Variants in KIRREL3 observed in about 807,000 individuals in gnomAD.
KIRREL3 encodes kin of IRRE-like protein 3.
In KIRREL3, 36 loss-of-function variants were observed where a neutral mutation model predicts 89.7. The observed-to-expected ratio is 0.40, with a 90% CI of 0.31 to 0.53. The LOEUF (loss-of-function observed/expected upper bound fraction) is 0.53. KIRREL3 is among the 20% of genes least tolerant of loss of function. The pLI is 0.49. For synonymous variants in KIRREL3, 445 were observed against 441.4 expected, an observed-to-expected ratio of 1.01 and a Z score of -0.10; for missense variants, 864 against 1,056.6, an observed-to-expected ratio of 0.82 and a Z score of 2.53.
At chr11:127,002,219 G>T (rs1415018315), upstream of KIRREL3, among the ~76,000 whole-genome samples, 1 of 152,216 alleles carries the variant, frequency 6.6e-6, no homozygotes, top group Non-Finnish European at 1.5e-5. Flanking sequence ...TGACACCAAA[G>T]ATCTACAAAT....
chr11:126,428,852 G>A lies in KIRREL3; in HGVS notation c.1806+327C>T, dbSNP rs1955029740. Among the ~76,000 whole-genome samples the A allele has an allele frequency of 1.3e-5, 2 of 152,148 alleles. No individual in the cohort carries two copies. The highest frequency in any genetic ancestry group is 4.1e-4 in the South Asian group (2 of 4,824). ...AGTAGAGATGTAGTTTCACCATGTTGGCCAGGCTGGTCTCGAACTCCTAAT... is the reference window on the plus strand; with the variant it reads ...AGTAGAGATGTAGTTTCACCATGTTAGCCAGGCTGGTCTCGAACTCCTAAT... On this transcript the variant is annotated intron_variant, in intron 15 of 16. Coordinates refer to ENST00000525144, the MANE Select transcript of KIRREL3 (RefSeq NM_032531.4). This position sits in a 1 kb window ranked among gnomAD's most constrained non-coding sequence, Gnocchi z 6.4.
chr11:126,986,277 A>G (rs969205063), intron 1 of KIRREL3, among the ~76,000 whole-genome samples: 22 of 152,220 alleles, frequency 1.4e-4, no homozygotes, highest in South Asian at 2.1e-4. Flanking sequence ...GAATTGAAAA[A>G]TAAAATGACA....
rs116063511 is a variant in KIRREL3 at position 126,905,233 on chromosome 11, G to A, written c.55+95222C>T. 0.022 allele frequency among the ~76,000 whole-genome samples: 3,314 copies of A among 152,220 alleles called. 130 individuals carry two copies. Among genetic ancestry groups the A allele is most frequent in the African/African-American group, 0.075 (3,104 of 41,510 alleles). The stretch of plus-strand genomic sequence containing the variant: ...TACTTCCAATAAGTCACCTTCCATG[G>A]CAAGGGGAGGGTGGGTGATATTTTT... On this transcript the variant is annotated intron_variant, in intron 1 of 16. Coordinates refer to ENST00000525144, the MANE Select transcript of KIRREL3 (RefSeq NM_032531.4). The surrounding 1 kb of genome is among the most constrained non-coding windows in gnomAD (Gnocchi z 5.0).
chr11:126,495,032 C>G lies in KIRREL3; in HGVS notation c.434-21566G>C, dbSNP rs1957619237. Among the ~76,000 whole-genome samples, 1 of 152,302 alleles carries G rather than the reference C, an allele frequency of 6.6e-6. No homozygotes were observed. The highest frequency in any genetic ancestry group is 2.4e-5 in the African/African-American group (1 of 41,562). On this transcript the variant is annotated intron_variant, in intron 4 of 16. Transcript: ENST00000525144. This position sits in a 1 kb window ranked among gnomAD's most constrained non-coding sequence, Gnocchi z 6.5. Reference sequence around the variant, plus strand: ...GGAGTGAGAGGTTCAACCAGGGTGGCTAGGCTGTGCACTGGCCAATTCCAG... The same window carrying G: ...GGAGTGAGAGGTTCAACCAGGGTGGGTAGGCTGTGCACTGGCCAATTCCAG...
At chr11:126,882,094 A>T (rs926837698) in intron 1 of KIRREL3, among the ~76,000 whole-genome samples, 1 of 152,134 alleles carries the variant, frequency 6.6e-6, no homozygotes, top group Non-Finnish European at 1.5e-5. Context: ...ACTCTGGAAC[A>T]TCTAGGAAAT....
rs1478398029 is a variant in KIRREL3 at position 126,605,517 on chromosome 11, C to A, written c.56-42605G>T. ...GAGACTCAGGATGCCAGGAGGGAGG[C>A]ACAGCCCACACTTAGCAGCTTGGCG... On this transcript the variant is annotated intron_variant, in intron 1 of 16. Coordinates refer to ENST00000525144, the MANE Select transcript of KIRREL3 (RefSeq NM_032531.4). The surrounding 1 kb of genome is among the most constrained non-coding windows in gnomAD (Gnocchi z 5.7). Among the ~76,000 whole-genome samples the A allele has an allele frequency of 6.6e-6, 1 of 152,224 alleles. No homozygotes were observed. Among genetic ancestry groups the A allele is most frequent in the Non-Finnish European group, 1.5e-5 (1 of 68,042 alleles).
intron 1 of KIRREL3, among the ~76,000 whole-genome samples, chr11:126,737,294 C>T (rs1033295856): frequency 6.6e-6 from 1 of 152,004 alleles, no homozygotes; most frequent in Non-Finnish European, 1.5e-5. Context: ...GATGCACCTT[C>T]AGGGCAGAGA....
intron 1 of KIRREL3, among the ~76,000 whole-genome samples, chr11:126,585,975 A>G (rs1941830802): frequency 6.6e-6 from 1 of 152,236 alleles, no homozygotes; most frequent in African/African-American, 2.4e-5. Flanking sequence ...GCAGGATTCC[A>G]GCCTGAGTAA....
At chr11:126,478,232 C>A (rs1168198115) in intron 4 of KIRREL3, among the ~76,000 whole-genome samples, 2 of 152,218 alleles carry the variant, frequency 1.3e-5, no homozygotes, top group Non-Finnish European at 2.9e-5. Context: ...AATGAAGGTG[C>A]AGCTTCAAGA....
rs551063466 is a variant in KIRREL3, at chr11:126,521,096, G to A, written c.433+219C>T. Among the ~76,000 whole-genome samples, 5 of 152,354 alleles carry A rather than the reference G, an allele frequency of 3.3e-5. No homozygotes were observed. Among genetic ancestry groups the A allele is most frequent in the South Asian group, 2.1e-4 (1 of 4,826 alleles). On this transcript the variant is annotated intron_variant, in intron 4 of 16. Coordinates refer to ENST00000525144, the MANE Select transcript of KIRREL3 (RefSeq NM_032531.4). The surrounding 1 kb of genome is among the most constrained non-coding windows in gnomAD (Gnocchi z 4.1). Reference sequence around the variant, plus strand: ...AACACGCCGGGGTTGGACTGAGTCCGCTGGCATTGGCTGTCTGGTTTACTA... The same window carrying A: ...AACACGCCGGGGTTGGACTGAGTCCACTGGCATTGGCTGTCTGGTTTACTA...
intron 1 of KIRREL3, among the ~76,000 whole-genome samples, chr11:126,756,088 C>T (rs954129086): frequency 6.6e-6 from 1 of 152,024 alleles, no homozygotes; most frequent in Non-Finnish European, 1.5e-5. Context: ...TTTTAATCAC[C>T]GATTATGTAT....
At chr11:126,914,178 G>A (rs1946942702) in intron 1 of KIRREL3, among the ~76,000 whole-genome samples, 1 of 152,200 alleles carries the variant, frequency 6.6e-6, no homozygotes, top group African/African-American at 2.4e-5. Flanking sequence ...TAGGTGCTAT[G>A]CCTGTGGCCA....
intron 1 of KIRREL3, among the ~76,000 whole-genome samples, chr11:126,721,527 C>A (rs1948169290): frequency 2.2e-5 from 1 of 45,690 alleles, no homozygotes; most frequent in Non-Finnish European, 4.7e-5. Flanking sequence ...AAAACTCCGT[C>A]TCAAAAAAAA....
chr11:126,564,252 C>G lies in KIRREL3; in HGVS notation c.56-1340G>C, dbSNP rs537175821. ...CAGTGTCTAGGCTCAAGAGGATAGA[C>G]GGAGCGGGTCATTCCTCTTTCTCCT... is the stretch of plus-strand genomic sequence containing the variant. On this transcript the variant is annotated intron_variant, in intron 1 of 16. Coordinates refer to ENST00000525144, the MANE Select transcript of KIRREL3 (RefSeq NM_032531.4). This position sits in a 1 kb window ranked among gnomAD's most constrained non-coding sequence, Gnocchi z 7.4. 1.3e-5 allele frequency among the ~76,000 whole-genome samples: 2 copies of G among 152,180 alleles called. No homozygotes were observed. The highest frequency in any genetic ancestry group is 4.8e-5 in the African/African-American group (2 of 41,442).
At chr11:126,583,676 GAA>G (rs1378000940) in intron 1 of KIRREL3, among the ~76,000 whole-genome samples, 1 of 152,178 alleles carries the variant, frequency 6.6e-6, no homozygotes, top group African/African-American at 2.4e-5. Flanking sequence ...AAAATGCAAA[GAA>G]TGATCCCATC....
At chr11:126,741,106 C>CAGGAGG (rs1948968278) in intron 1 of KIRREL3, among the ~76,000 whole-genome samples, 1 of 152,170 alleles carries the variant, frequency 6.6e-6, no homozygotes, top group Non-Finnish European at 1.5e-5. Context: ...AGAGGCAATT[C>CAGGAGG]AGGTCAAAGA....
At chr11:126,675,260 G>A (rs1300741599) in intron 1 of KIRREL3, among the ~76,000 whole-genome samples, 1 of 152,170 alleles carries the variant, frequency 6.6e-6, no homozygotes, top group Non-Finnish European at 1.5e-5. Context: ...TACTATTTAT[G>A]TCTTTAGAAA....
Position 126,523,595 on chromosome 11 carries a change from C to T in KIRREL3, c.284-2131G>A, listed in dbSNP as rs1257760689. 7.3e-6 allele frequency among the ~76,000 whole-genome samples: 1 copy of T among 137,280 alleles called. No individual in the cohort carries two copies. Among genetic ancestry groups the T allele is most frequent in the Non-Finnish European group, 1.6e-5 (1 of 64,476 alleles). The allele number at this position is 137,280 out of a possible 152,430, so 90.1% of individuals were successfully genotyped here. A position where few individuals can be genotyped will look rare whatever the true frequency, so the allele number is the denominator to read the frequency against. On this transcript the variant is annotated intron_variant, in intron 3 of 16. Coordinates refer to ENST00000525144, the MANE Select transcript of KIRREL3 (RefSeq NM_032531.4). This position sits in a 1 kb window ranked among gnomAD's most constrained non-coding sequence, Gnocchi z 4.9. The stretch of plus-strand genomic sequence containing the variant: ...CTGCACCCCTGAGAGCACTGCCTCT[C>T]CTCCTGCCCACACTTCCCGCCTTCT...
intron 2 of KIRREL3, among the ~76,000 whole-genome samples, chr11:126,533,250 G>A (rs1044259955): frequency 6.6e-6 from 1 of 152,182 alleles, no homozygotes; most frequent in Non-Finnish European, 1.5e-5. Context: ...CACAGCACTG[G>A]CAGTGAGAAG....
Sources: allele counts gnomAD v4.1 joint callset (sites outside exome capture counted in the v4.1 genomes callset), GRCh38; gene constraint gnomAD v4.1.1; non-coding constraint Gnocchi (gnomAD v3.1); transcripts MANE v1.5; gene names NCBI Gene and HGNC (gene_info 2026-07-23, HGNC 2026-07-21).